OR56A3: variants seen among roughly 807,000 people sequenced by gnomAD.
The protein encoded by OR56A3 is olfactory receptor 56A3.
In OR56A3, 23 loss-of-function variants were observed where a neutral mutation model predicts 17.5. That is an observed-to-expected ratio of 1.32 (90% CI 0.95 to 1.87). The LOEUF (loss-of-function observed/expected upper bound fraction) is 1.87, where lower values mean the gene tolerates loss of function less well. Among genes scored for constraint, OR56A3 ranks in the 40% most tolerant of loss-of-function variants. The pLI is 0.00. For missense variants in OR56A3, 366 were observed against 380.1 expected (o/e 0.96, Z 0.31); for synonymous variants, 175 against 150.6 (o/e 1.16, Z -1.19).
chr11:5,999,658 T>G, the OR56A3 span: 3 of 152,252 alleles, frequency 2.0e-5, no homozygotes, highest in Non-Finnish European at 4.4e-5. Flanking sequence ...AAGATTTTAT[T>G]GTTGTTTCCA....
chr11:5,960,498 T>C, the OR56A3 span, among the ~76,000 whole-genome samples: 6 of 152,126 alleles, frequency 3.9e-5, no homozygotes, highest in African/African-American at 1.4e-4. Flanking sequence ...TGACCGCGAG[T>C]GGTCTGCCAG....
the OR56A3 span, chr11:5,986,158 G>A: frequency 6.2e-7 from 1 of 1,613,984 alleles, no homozygotes; most frequent in Non-Finnish European, 8.5e-7. Context: ...AGAGCCACAT[G>A]TGCTAAACGC....
intron 2 of OR56A3, among the ~76,000 whole-genome samples, chr11:5,945,402 A>G (rs1196026765): frequency 6.6e-6 from 1 of 151,888 alleles, no homozygotes; most frequent in Non-Finnish European, 1.5e-5. Context: ...GTGAAACCCC[A>G]TCTCTACTAC....
chr11:6,019,093 T>C, the OR56A3 span, among the ~76,000 whole-genome samples: 1 of 151,920 alleles, frequency 6.6e-6, no homozygotes, highest in East Asian at 1.9e-4. Flanking sequence ...ACTACCAAAT[T>C]TGTAAAGAAG....
chr11:6,002,289 C>G, the OR56A3 span: 1 of 1,614,186 alleles, frequency 6.2e-7, no homozygotes, highest in Non-Finnish European at 8.5e-7. Context: ...GGCCACAGCA[C>G]CCTCGGCCTT....
chr11:5,944,452 A>G (rs966260145), intron 1 of OR56A3, among the ~76,000 whole-genome samples: 2 of 152,216 alleles, frequency 1.3e-5, no homozygotes, highest in Non-Finnish European at 2.9e-5. Flanking sequence ...TTGTATGTGT[A>G]TGGAGAGTGT....
At position 5,942,872 on chromosome 11, in the gene OR56A3, T is replaced by C. The variant is rs554945253; in HGVS notation, c.-314+498T>C. 1.1e-4 allele frequency among the ~76,000 whole-genome samples: 16 copies of C among 152,378 alleles called. 1 individual carries two copies. In the South Asian group the frequency reaches 2.1e-3, roughly 20 times the overall value. On this transcript the variant is annotated intron_variant, in intron 1 of 2. Transcript: ENST00000641160. ...CAAGATAGAACCCTAGCAACTCTTTTACTTTTTAAAACAGGGTTTCTTTGG... is the reference window on the plus strand; with the variant it reads ...CAAGATAGAACCCTAGCAACTCTTTCACTTTTTAAAACAGGGTTTCTTTGG...
At chr11:6,005,789 A>G in the OR56A3 span, among the ~76,000 whole-genome samples, 1 of 152,186 alleles carries the variant, frequency 6.6e-6, no homozygotes, top group African/African-American at 2.4e-5. Context: ...TCTCTTTTAT[A>G]CAGGTATCAG....
At chr11:6,009,923 G>C in the OR56A3 span, among the ~76,000 whole-genome samples, 107,070 of 151,794 alleles carry the variant, frequency 0.71, 38,015 homozygotes, top group East Asian at 0.94. Context: ...ATTCCATTCT[G>C]TTTCAAATTG....
the OR56A3 span, among the ~76,000 whole-genome samples, chr11:5,971,738 A>G: frequency 6.6e-6 from 1 of 152,238 alleles, no homozygotes; most frequent in African/African-American, 2.4e-5. Flanking sequence ...TCAGAGAGAA[A>G]TGGATAACTT....
At chr11:5,981,115 T>G in the OR56A3 span, among the ~76,000 whole-genome samples, 1 of 152,196 alleles carries the variant, frequency 6.6e-6, no homozygotes, top group East Asian at 1.9e-4. Flanking sequence ...CATGACAACC[T>G]TGGAGAATCT....
chr11:5,997,138 A>C, the OR56A3 span, among the ~76,000 whole-genome samples: 1 of 152,176 alleles, frequency 6.6e-6, no homozygotes, highest in African/African-American at 2.4e-5. Flanking sequence ...TGGAAATCTC[A>C]GTTCTGTTTA....
In OR56A3 at chr11:5,948,484, C is replaced by T; in HGVS notation, c.*190C>T. ...TTTTCACCCTTTTCTCAGAAATATT[C>T]TTGGCCCTCTCTCGTTTTATTCCAT... is the stretch of plus-strand genomic sequence containing the variant. On this transcript the variant is annotated 3_prime_UTR_variant, in exon 3 of 3. Transcript: ENST00000641160. 5.4e-6 allele frequency: 3 copies of T among 553,298 alleles called. No individual in the cohort carries two copies. Among genetic ancestry groups the T allele is most frequent in the Non-Finnish European group, 9.5e-6 (3 of 314,304 alleles). 34.3% of individuals were successfully genotyped at this position (553,298 alleles called of 1,614,324 possible).
the OR56A3 span, among the ~76,000 whole-genome samples, chr11:6,017,510 T>C: frequency 1.3e-5 from 2 of 152,278 alleles, no homozygotes; most frequent in Middle Eastern, 6.8e-3. Flanking sequence ...AATAGAATGC[T>C]ATGTTCAAAA....
chr11:5,994,664 T>A, the OR56A3 span: 3 of 790,882 alleles, frequency 3.8e-6, no homozygotes, highest in Non-Finnish European at 6.7e-6. Context: ...TGTCTCATAC[T>A]TGATTCTAAA....
the OR56A3 span, among the ~76,000 whole-genome samples, chr11:5,960,911 C>T: frequency 5.9e-5 from 9 of 151,574 alleles, no homozygotes; most frequent in Non-Finnish European, 8.8e-5. Context: ...TCTGCCCGGC[C>T]GTGACCCTGT....
chr11:5,946,846 G>C (rs1253664735), intron 2 of OR56A3, among the ~76,000 whole-genome samples: 1 of 152,176 alleles, frequency 6.6e-6, no homozygotes, highest in Non-Finnish European at 1.5e-5. Flanking sequence ...GGATGTCATG[G>C]GGACATGGGG....
chr11:5,987,567 T>G, the OR56A3 span, among the ~76,000 whole-genome samples: 5 of 152,326 alleles, frequency 3.3e-5, no homozygotes, highest in East Asian at 9.6e-4. Context: ...CTCAACATAT[T>G]CAACATTGGA....
At chr11:5,995,326 T>G in the OR56A3 span, among the ~76,000 whole-genome samples, 1 of 152,256 alleles carries the variant, frequency 6.6e-6, no homozygotes, top group Non-Finnish European at 1.5e-5. Flanking sequence ...CGTGTTGCAA[T>G]TTGGACTGGC....
Sources: gnomAD v4.1 joint callset for allele counts (sites outside exome capture counted in the v4.1 genomes callset) on GRCh38, gnomAD v4.1.1 for gene constraint, MANE v1.5 for transcripts, NCBI Gene and HGNC (gene_info 2026-07-23, HGNC 2026-07-21) for gene names.